Variants in CCNYL1 observed in about 807,000 individuals in gnomAD.
CCNYL1 encodes the protein cyclin-Y-like protein 1.
Under a neutral mutation model 44.2 loss-of-function variants are expected in CCNYL1, and 16 were observed. The observed-to-expected ratio is 0.36, with a 90% CI of 0.25 to 0.55. The LOEUF is 0.55. Ranked by LOEUF, CCNYL1 falls within the 20% of genes least tolerant of loss-of-function variation. The pLI, the probability that CCNYL1 is intolerant of heterozygous loss-of-function variation, is 0.85. For missense variants in CCNYL1, 348 were observed against 451.8 expected (o/e 0.77, Z 2.08); for synonymous variants, 159 against 163.2 (o/e 0.97, Z 0.20).
intron 8 of CCNYL1, among the ~76,000 whole-genome samples, chr2:207,750,296 C>T (rs1316557761): frequency 6.6e-6 from 1 of 152,234 alleles, no homozygotes; most frequent in Admixed American, 6.5e-5. Context: ...GTGACAATTT[C>T]TCACCTTCAT....
chr2:207,740,924 A>G (rs565599990), intron 6 of CCNYL1, among the ~76,000 whole-genome samples: 1 of 152,346 alleles, frequency 6.6e-6, no homozygotes, highest in South Asian at 2.1e-4. Flanking sequence ...TGTCTTGGAC[A>G]GTGAAGCCTT....
At chr2:207,737,808 G>A (rs964080941) in intron 5 of CCNYL1, among the ~76,000 whole-genome samples, 3 of 152,178 alleles carry the variant, frequency 2.0e-5, no homozygotes, top group Non-Finnish European at 4.4e-5. Flanking sequence ...ATATTTAACA[G>A]CTGTCCCAGG....
intron 5 of CCNYL1, among the ~76,000 whole-genome samples, chr2:207,739,476 C>G (rs1343795124): frequency 1.3e-5 from 2 of 152,156 alleles, no homozygotes; most frequent in African/African-American, 2.4e-5. Context: ...GTGATCCACC[C>G]GCCTCAGCCT....
At chr2:207,723,733 G>A (rs572426603) in intron 1 of CCNYL1, among the ~76,000 whole-genome samples, 17 of 151,922 alleles carry the variant, frequency 1.1e-4, no homozygotes, top group African/African-American at 3.9e-4. Flanking sequence ...AAAATTAGCC[G>A]GCGTGGTGGC....
At chr2:207,724,936 A>C in intron 2 of CCNYL1, 62 bp downstream of exon 2, 1 of 1,301,966 alleles carries the variant, frequency 7.7e-7, no homozygotes, top group Non-Finnish European at 1.1e-6. Context: ...ATTTTATTGG[A>C]TGTATTATAG....
At chr2:207,725,380 C>T (rs147899067) in intron 2 of CCNYL1, among the ~76,000 whole-genome samples, 4 of 152,336 alleles carry the variant, frequency 2.6e-5, no homozygotes, top group Admixed American at 2.6e-4. Flanking sequence ...CCTCCTCAGC[C>T]TCCCAAAGTG....
In CCNYL1 at chr2:207,711,864, G is replaced by A; in HGVS notation, c.-33G>A. 1 of 1,340,738 alleles carries A rather than the reference G, an allele frequency of 7.5e-7. No individual in the cohort carries two copies. The highest frequency in any genetic ancestry group is 9.7e-7 in the Non-Finnish European group (1 of 1,035,610). 83.1% of individuals were successfully genotyped at this position (1,340,738 alleles called of 1,614,324 possible). On this transcript the variant is annotated 5_prime_UTR_variant, in exon 1 of 10. Coordinates refer to ENST00000295414, the MANE Select transcript of CCNYL1 (RefSeq NM_001330218.2). ...GAGGGCGGCGGAGTAGGGGGCGAGC[G>A]AAGGCGGTGGCAGAGAGGAGCGGAG...
chr2:207,714,312 CTTTT>C (rs60004559), intron 1 of CCNYL1: 10,188 of 303,974 alleles, frequency 0.034, 66 homozygotes, highest in African/African-American at 0.064. Context: ...ACTTACATCT[CTTTT>C]TTTTTTTTTT....
At chr2:207,750,340 C>G (rs2091882523) in intron 8 of CCNYL1, among the ~76,000 whole-genome samples, 1 of 152,168 alleles carries the variant, frequency 6.6e-6, no homozygotes, top group Admixed American at 6.5e-5. Flanking sequence ...GCATTATGCC[C>G]TTTGACATAG....
At chr2:207,715,235 T>C (rs1222162157) in intron 1 of CCNYL1, among the ~76,000 whole-genome samples, 2 of 151,924 alleles carry the variant, frequency 1.3e-5, no homozygotes, top group African/African-American at 4.8e-5. Flanking sequence ...GCCACTGCAC[T>C]CTAGCCTGGA....
chr2:207,724,748 T>A, intron 1 of CCNYL1, 52 bp from the exon 2 acceptor site: 4 of 1,304,054 alleles, frequency 3.1e-6, no homozygotes, highest in Non-Finnish European at 4.4e-6. Context: ...ATTTCAGAAA[T>A]CATCTTTTCT....
At chr2:207,723,098 A>T in intron 1 of CCNYL1, among the ~76,000 whole-genome samples, 1 of 152,244 alleles carries the variant, frequency 6.6e-6, no homozygotes, top group East Asian at 1.9e-4. Context: ...AACTTCAAAC[A>T]TAATTTTTGT....
At position 207,753,777 on chromosome 2, in the gene CCNYL1, A is replaced by C. The variant is rs2091912044; in HGVS notation, c.*79A>C. 1 of 883,198 alleles carries C rather than the reference A, an allele frequency of 1.1e-6. No homozygotes were observed. The allele number at this position is 883,198 out of a possible 1,614,324, so 54.7% of individuals were successfully genotyped here. On this transcript the variant is annotated 3_prime_UTR_variant, in exon 10 of 10. Transcript: ENST00000295414. ...GAAATACCACCTTTCCTGCTCAAAA[A>C]CCAGCAAAATTAGTGTTTTCATCAA...
At chr2:207,735,048 T>A (rs1045343807) in intron 4 of CCNYL1, among the ~76,000 whole-genome samples, 2 of 152,208 alleles carry the variant, frequency 1.3e-5, no homozygotes, top group Non-Finnish European at 2.9e-5. Flanking sequence ...ATTCAAAAGA[T>A]TCTGATGTTT....
Position 207,737,402 on chromosome 2 carries a change from C to T in CCNYL1, c.432-9C>T, listed in dbSNP as rs751822783. ...AGTTGTTAAAAATAATTTTTTTTTC[C>T]CTTCACAGTGTGACCTTAGCAATAT... On this transcript the variant is annotated splice_polypyrimidine_tract_variant and intron_variant, in intron 4 of 9. Transcript: ENST00000295414. 5 of 1,602,194 alleles carry T rather than the reference C, an allele frequency of 3.1e-6. No homozygotes were observed. The highest frequency in any genetic ancestry group is 4.3e-6 in the Non-Finnish European group (5 of 1,171,652).
chr2:207,753,544 CT>C, intron 9 of CCNYL1, 43 bp from the exon 10 acceptor site: 3 of 1,358,214 alleles, frequency 2.2e-6, no homozygotes, highest in Non-Finnish European at 1.1e-6. Flanking sequence ...GGCGGGAACC[CT>C]TTTTAAAATT....
intron 5 of CCNYL1, among the ~76,000 whole-genome samples, chr2:207,739,019 C>T (rs932622800): frequency 7.9e-5 from 12 of 152,162 alleles, no homozygotes; most frequent in African/African-American, 2.7e-4. Flanking sequence ...CATACCCAGC[C>T]TGGTTCACAT....
chr2:207,724,757 C>A (rs771127011), intron 1 of CCNYL1, 43 bp from the exon 2 acceptor site: 2 of 1,373,056 alleles, frequency 1.5e-6, no homozygotes, highest in East Asian at 4.6e-5. Context: ...ATCATCTTTT[C>A]TACTCACCTA....
chr2:207,714,234 T>C, intron 1 of CCNYL1: 1 of 386,864 alleles, frequency 2.6e-6, no homozygotes, highest in Admixed American at 3.6e-5. Flanking sequence ...AATAGTCCTG[T>C]TTTTGAGAAC....
Sources: allele counts gnomAD v4.1 joint callset (sites outside exome capture counted in the v4.1 genomes callset), GRCh38; gene constraint gnomAD v4.1.1; transcripts MANE v1.5; gene names NCBI Gene and HGNC (gene_info 2026-07-23, HGNC 2026-07-21).